Variants in ROR1 observed in about 807,000 individuals in gnomAD.
ROR1 encodes the protein ROR family WNT receptor 1.
A neutral mutation model predicts 78.8 loss-of-function variants in ROR1; 19 were observed. The ratio of observed to expected loss-of-function variants is 0.24; its 90% CI spans 0.17 to 0.35. The LOEUF (loss-of-function observed/expected upper bound fraction) is 0.35. Among genes scored for constraint, ROR1 ranks in the 10% least tolerant of loss-of-function variants. ROR1 has a pLI of 1.00. For missense variants in ROR1, 917 were observed against 1,177.8 expected (o/e 0.78, Z 3.24); for synonymous variants, 386 against 433.6 (o/e 0.89, Z 1.36).
intron 8 of ROR1, among the ~76,000 whole-genome samples, chr1:64,171,933 A>G (rs1399876343): frequency 6.6e-6 from 1 of 152,220 alleles, no homozygotes; most frequent in Non-Finnish European, 1.5e-5. Flanking sequence ...CCTTAAAGTA[A>G]GCAGGAAATA....
chr1:64,062,738 G>A (rs776634828), intron 4 of ROR1, among the ~76,000 whole-genome samples: 9 of 152,148 alleles, frequency 5.9e-5, no homozygotes, highest in Admixed American at 3.9e-4. Context: ...GATTCATCAC[G>A]TCTTGTACAC....
chr1:63,978,901 G>T (rs1424518520), intron 1 of ROR1, among the ~76,000 whole-genome samples: 3 of 152,198 alleles, frequency 2.0e-5, no homozygotes, highest in Non-Finnish European at 4.4e-5. Context: ...ACCAGGAAAG[G>T]GCCGATGCTG....
intron 1 of ROR1, among the ~76,000 whole-genome samples, chr1:63,968,452 T>A (rs1362520776): frequency 6.8e-6 from 1 of 146,586 alleles, no homozygotes; most frequent in Non-Finnish European, 1.5e-5. Context: ...TATTCTCTTA[T>A]TAACACTTCT....
chr1:64,071,134 C>T (rs1319276422), intron 4 of ROR1, among the ~76,000 whole-genome samples: 1 of 152,162 alleles, frequency 6.6e-6, no homozygotes, highest in Non-Finnish European at 1.5e-5. Flanking sequence ...AGTATGACTT[C>T]AGGTTAGAAA....
intron 2 of ROR1, among the ~76,000 whole-genome samples, chr1:64,015,828 C>A (rs561783865): frequency 4.6e-5 from 7 of 152,134 alleles, no homozygotes; most frequent in Non-Finnish European, 1.0e-4. Context: ...GCACCATTTT[C>A]TTTAAAGGTT....
Position 63,787,476 on chromosome 1 carries a change from T to TCCTGCCTTCCTG in ROR1, c.91+12971_91+12972insGCCTTCCTGCCT, listed in dbSNP as rs1553131691. 5.2e-3 allele frequency among the ~76,000 whole-genome samples: 688 copies of TCCTGCCTTCCTG among 132,538 alleles called. 7 individuals carry two copies. Among genetic ancestry groups the TCCTGCCTTCCTG allele is most frequent in the Admixed American group, 0.018 (245 of 13,590 alleles). 87.0% of individuals were successfully genotyped at this position (132,538 alleles called of 152,430 possible). A position where few individuals can be genotyped will look rare whatever the true frequency, so the allele number is the denominator to read the frequency against. ...TTCCTTCCTTCCTTCCTTCCTTCCT[T>TCCTGCCTTCCTG]CCTTCCTGCCTTCCTGCCTTCCTGA... On this transcript the variant is annotated intron_variant, in intron 1 of 8. Transcript: ENST00000371079.
At chr1:63,843,820 T>C (rs975687695) in intron 1 of ROR1, 8 of 305,212 alleles carry the variant, frequency 2.6e-5, no homozygotes, top group African/African-American at 1.3e-4. Flanking sequence ...CATAGGAAGA[T>C]TGCAACAACT....
At chr1:63,812,208 C>T (rs1359948867) in intron 1 of ROR1, among the ~76,000 whole-genome samples, 4 of 152,150 alleles carry the variant, frequency 2.6e-5, no homozygotes, top group Non-Finnish European at 5.9e-5. Flanking sequence ...GATCTGTCCG[C>T]CTCAGCTTCC....
chr1:64,000,003 A>G (rs1021679655), intron 1 of ROR1, among the ~76,000 whole-genome samples: 4 of 152,178 alleles, frequency 2.6e-5, no homozygotes, highest in African/African-American at 9.7e-5. Context: ...TTGGCCAGAG[A>G]CAATTAGTAG....
chr1:63,875,456 G>A (rs1429006143), intron 1 of ROR1, among the ~76,000 whole-genome samples: 1 of 152,128 alleles, frequency 6.6e-6, no homozygotes, highest in Non-Finnish European at 1.5e-5. Context: ...TCTGTGAAAA[G>A]GGCATTAAAG....
At chr1:64,104,628 T>C (rs1647714720) in intron 4 of ROR1, among the ~76,000 whole-genome samples, 1 of 151,106 alleles carries the variant, frequency 6.6e-6, no homozygotes, top group East Asian at 2.0e-4. Flanking sequence ...CACCCTTCAA[T>C]AGGCCCTGGT....
intron 4 of ROR1, among the ~76,000 whole-genome samples, chr1:64,134,464 A>G (rs1649032435): frequency 6.6e-6 from 1 of 152,142 alleles, no homozygotes; most frequent in Non-Finnish European, 1.5e-5. Context: ...CAAGTTACTT[A>G]ACTTCTCTGA....
chr1:64,065,923 C>A (rs1002273279), intron 4 of ROR1, among the ~76,000 whole-genome samples: 2 of 152,212 alleles, frequency 1.3e-5, no homozygotes, highest in Non-Finnish European at 2.9e-5. Flanking sequence ...TCACCCTGTG[C>A]CTTTCAACCC....
intron 1 of ROR1, among the ~76,000 whole-genome samples, chr1:63,821,169 C>G (rs550538802): frequency 1.3e-5 from 2 of 152,170 alleles, no homozygotes; most frequent in Admixed American, 1.3e-4. Flanking sequence ...GCAAGGTGCT[C>G]TGCATAATTC....
At chr1:64,164,398 G>T (rs1051484220) in intron 8 of ROR1, among the ~76,000 whole-genome samples, 4 of 152,090 alleles carry the variant, frequency 2.6e-5, no homozygotes, top group Admixed American at 6.5e-5. Context: ...ACAAATCTTG[G>T]CTCTGCTGTC....
At chr1:63,991,450 G>A (rs1285924543) in intron 1 of ROR1, among the ~76,000 whole-genome samples, 4 of 152,184 alleles carry the variant, frequency 2.6e-5, no homozygotes, top group African/African-American at 9.6e-5. Context: ...CAAAGTCAAG[G>A]CAAAGTGGTC....
chr1:63,775,380 T>G (rs1354864753), intron 1 of ROR1: 8 of 152,304 alleles, frequency 5.3e-5, no homozygotes, highest in Admixed American at 1.3e-4. Flanking sequence ...AGAGCCCGGC[T>G]GAGCCTGTGG....
intron 2 of ROR1, among the ~76,000 whole-genome samples, chr1:64,027,556 G>T (rs748928267): frequency 1.9e-4 from 29 of 151,738 alleles, no homozygotes; most frequent in African/African-American, 7.0e-4. Flanking sequence ...TTGTATAATC[G>T]GTGTTTTGTG....
chr1:64,083,845 A>G (rs1426651283), intron 4 of ROR1, among the ~76,000 whole-genome samples: 4 of 152,174 alleles, frequency 2.6e-5, no homozygotes, highest in African/African-American at 7.2e-5. Flanking sequence ...TGAGATGGGG[A>G]AAATGTGTAA....
Sources: allele counts gnomAD v4.1 joint callset (sites outside exome capture counted in the v4.1 genomes callset), GRCh38; gene constraint gnomAD v4.1.1; transcripts MANE v1.5; gene names NCBI Gene and HGNC (gene_info 2026-07-23, HGNC 2026-07-21).